NOL4: variants seen among roughly 807,000 people sequenced by gnomAD.
NOL4 encodes cancer/testis antigen 125.
A neutral mutation model predicts 75.9 loss-of-function variants in NOL4; 17 were observed. The observed-to-expected ratio is 0.22, with a 90% CI of 0.15 to 0.34. NOL4 has a LOEUF of 0.34. Among genes scored for constraint, NOL4 ranks in the 10% least tolerant of loss-of-function variants. The pLI is 1.00. For synonymous variants in NOL4, 292 were observed against 289.9 expected, an observed-to-expected ratio of 1.01 and a Z score of -0.07; for missense variants, 614 against 793.5, an observed-to-expected ratio of 0.77 and a Z score of 2.72.
intron 5 of NOL4, among the ~76,000 whole-genome samples, chr18:34,038,388 G>A (rs1234582224): frequency 1.3e-5 from 2 of 152,008 alleles, no homozygotes; most frequent in Non-Finnish European, 2.9e-5. Flanking sequence ...CCTACTACTG[G>A]ATATCCATCC....
chr18:33,858,905 T>C (rs1018194318), intron 10 of NOL4, among the ~76,000 whole-genome samples: 4 of 152,106 alleles, frequency 2.6e-5, no homozygotes, highest in Non-Finnish European at 5.9e-5. Flanking sequence ...CCAATTATGC[T>C]TTTGTAAAAC....
intron 1 of NOL4, among the ~76,000 whole-genome samples, chr18:34,143,109 G>C (rs1395569263): frequency 6.6e-6 from 1 of 151,884 alleles, no homozygotes; most frequent in African/African-American, 2.4e-5. Flanking sequence ...CGAAGGGAAG[G>C]GAAGAAACCA....
intron 5 of NOL4, among the ~76,000 whole-genome samples, chr18:34,056,776 C>T (rs182578932): frequency 3.3e-4 from 50 of 152,118 alleles, no homozygotes; most frequent in African/African-American, 8.9e-4. Context: ...GTCTGGGTGC[C>T]GCTACTTCTT....
chr18:34,211,112 GAA>G lies in NOL4; in HGVS notation c.264+11876_264+11877del, dbSNP rs1209894112. ...AGGAGGGAAGGAAGAAGGAAGGAAA[GAA>G]GGAAGGAAGGAAGGAAGGAAGGAAG... On this transcript the variant is annotated intron_variant, in intron 1 of 10. Coordinates refer to ENST00000261592, the MANE Select transcript of NOL4 (RefSeq NM_003787.5). 7.1e-4 allele frequency among the ~76,000 whole-genome samples: 22 copies of G among 31,030 alleles called. No individual in the cohort carries two copies. In the South Asian group the frequency reaches 0.045, roughly 64 times the overall value. The allele number at this position is 31,030 out of a possible 152,430, so 20.4% of individuals were successfully genotyped here.
chr18:34,000,777 T>C (rs752540387), intron 6 of NOL4, among the ~76,000 whole-genome samples: 2 of 152,146 alleles, frequency 1.3e-5, no homozygotes, highest in African/African-American at 2.4e-5. Context: ...GGGCAAAGGT[T>C]ATCTAAAATA....
intron 5 of NOL4, among the ~76,000 whole-genome samples, chr18:34,025,271 A>G (rs1299388149): frequency 6.6e-6 from 1 of 152,212 alleles, no homozygotes; most frequent in Admixed American, 6.6e-5. Context: ...ATGTGTAACT[A>G]AGGAGCTATA....
chr18:33,911,973 T>C (rs977634005), intron 9 of NOL4, among the ~76,000 whole-genome samples: 2 of 152,142 alleles, frequency 1.3e-5, no homozygotes, highest in Non-Finnish European at 2.9e-5. Context: ...AGGAAAATAA[T>C]GTCTCCTGGC....
chr18:33,952,805 T>A (rs1436935211), intron 8 of NOL4, among the ~76,000 whole-genome samples: 1 of 152,106 alleles, frequency 6.6e-6, no homozygotes, highest in East Asian at 1.9e-4. Flanking sequence ...ATGCCTGTTA[T>A]CCCAGCTACT....
At chr18:33,985,690 T>C (rs1035844562) in intron 6 of NOL4, among the ~76,000 whole-genome samples, 1 of 152,160 alleles carries the variant, frequency 6.6e-6, no homozygotes, top group Non-Finnish European at 1.5e-5. Flanking sequence ...AATAAAGTGC[T>C]ATCAAAATTT....
chr18:34,139,179 A>T (rs576329449), intron 1 of NOL4, among the ~76,000 whole-genome samples: 1 of 152,206 alleles, frequency 6.6e-6, no homozygotes, highest in Non-Finnish European at 1.5e-5. Flanking sequence ...TATCAGGATG[A>T]TGCTGGTCTC....
intron 5 of NOL4, among the ~76,000 whole-genome samples, chr18:34,079,762 T>G (rs1373918885): frequency 1.3e-5 from 2 of 152,228 alleles, no homozygotes; most frequent in African/African-American, 2.4e-5. Context: ...TATAATTTAT[T>G]CATTCAGACT....
At chr18:33,970,735 G>A (rs1387940606) in intron 6 of NOL4, among the ~76,000 whole-genome samples, 1 of 151,842 alleles carries the variant, frequency 6.6e-6, no homozygotes, top group African/African-American at 2.4e-5. Flanking sequence ...TTGTGTGTGT[G>A]TGTGTGTGTG....
intron 9 of NOL4, among the ~76,000 whole-genome samples, chr18:33,920,798 T>C (rs1261006960): frequency 4.6e-5 from 7 of 152,174 alleles, no homozygotes; most frequent in Non-Finnish European, 1.5e-5. Flanking sequence ...GCAGAAAAAC[T>C]GTCAGCCCAG....
At chr18:34,076,017 G>A (rs920371435) in intron 5 of NOL4, among the ~76,000 whole-genome samples, 8 of 152,050 alleles carry the variant, frequency 5.3e-5, no homozygotes, top group African/African-American at 1.9e-4. Flanking sequence ...AATATAAGAA[G>A]TTTCAGATCC....
At chr18:33,878,208 TG>T (rs1245637268) in intron 10 of NOL4, among the ~76,000 whole-genome samples, 1 of 152,158 alleles carries the variant, frequency 6.6e-6, no homozygotes, top group Non-Finnish European at 1.5e-5. Context: ...AACTTTCTTT[TG>T]GATTTGTTAT....
chr18:33,896,747 A>G (rs1009785546), intron 9 of NOL4, among the ~76,000 whole-genome samples: 1 of 152,192 alleles, frequency 6.6e-6, no homozygotes, highest in African/African-American at 2.4e-5. Flanking sequence ...AAGCAATCAC[A>G]ACAAAAGCAA....
At chr18:33,912,411 G>C (rs1224965387) in intron 9 of NOL4, among the ~76,000 whole-genome samples, 3 of 151,978 alleles carry the variant, frequency 2.0e-5, no homozygotes, top group Non-Finnish European at 4.4e-5. Context: ...ATATAATATA[G>C]TTAGAATCAG....
At chr18:33,923,389 T>A (rs1268586386) in intron 9 of NOL4, among the ~76,000 whole-genome samples, 1 of 151,948 alleles carries the variant, frequency 6.6e-6, no homozygotes, top group Admixed American at 6.6e-5. Flanking sequence ...AAATAGAATT[T>A]TTTTTGCTAT....
intron 1 of NOL4, among the ~76,000 whole-genome samples, chr18:34,180,168 A>G (rs1233749057): frequency 6.6e-6 from 1 of 151,518 alleles, no homozygotes; most frequent in African/African-American, 2.4e-5. Flanking sequence ...TCCCAAAATC[A>G]TGCAATGATT....
Sources: allele counts gnomAD v4.1 joint callset (sites outside exome capture counted in the v4.1 genomes callset), GRCh38; gene constraint gnomAD v4.1.1; transcripts MANE v1.5; gene names NCBI Gene and HGNC (gene_info 2026-07-23, HGNC 2026-07-21).